CAPN3: variants seen among roughly 807,000 people sequenced by gnomAD.
CAPN3 encodes the protein calpain-3.
CAPN3 carries 88 observed loss-of-function variants against 114.0 expected under a neutral mutation model. The observed-to-expected ratio is 0.77, with a 90% confidence interval of 0.65 to 0.92. The LOEUF (loss-of-function observed/expected upper bound fraction) is 0.92, where lower values mean the gene tolerates loss of function less well. Ranked by LOEUF, CAPN3 falls within the 40% of genes least tolerant of loss-of-function variation. CAPN3 has a pLI of 0.00. For missense variants in CAPN3, 1,028 were observed against 1,069.0 expected (o/e 0.96, Z 0.53); for synonymous variants, 386 against 382.9 (o/e 1.01, Z -0.09).
At chr15:42,362,205 G>A (rs1294276711) in intron 1 of CAPN3, among the ~76,000 whole-genome samples, 1 of 152,116 alleles carries the variant, frequency 6.6e-6, no homozygotes, top group African/African-American at 2.4e-5. Context: ...ATTGAGCTCA[G>A]GAGTTGGAGA....
At position 42,409,825 on chromosome 15, in the gene CAPN3, T is replaced by C. The variant is rs931512687; in HGVS notation, c.2031T>C (p.Leu677=). 6.6e-7 allele frequency: 1 copy of C among 1,506,550 alleles called. No homozygotes were observed. The highest frequency in any genetic ancestry group is 8.9e-7 in the Non-Finnish European group (1 of 1,127,384). The allele number at this position is 1,506,550 out of a possible 1,614,324, so 93.3% of individuals were successfully genotyped here. A position where few individuals can be genotyped will look rare whatever the true frequency, so the allele number is the denominator to read the frequency against. ...GTGCAGATGAGCTCAAGAAGGTCCT[T>C]AACACAGTCGTGAACAAACGTGAGT... ...EICADELKKV[L]NTVVNKHKDL... Residue 677 remains leucine (L), a synonymous_variant, in exon 18 of 24, where the codon CTT becomes CTC. Coordinates refer to ENST00000397163, the MANE Select transcript of CAPN3 (RefSeq NM_000070.3).
At chr15:42,360,944 T>TG (rs763630893) in intron 1 of CAPN3, among the ~76,000 whole-genome samples, 2 of 152,108 alleles carry the variant, frequency 1.3e-5, no homozygotes, top group Admixed American at 6.5e-5. Flanking sequence ...GGCAAGCAAC[T>TG]GGGGGGACAG....
Position 42,411,079 on chromosome 15 carries a change from A to G in CAPN3, c.2380+79A>G, listed in dbSNP as rs28364539. The G allele has an allele frequency of 3.6e-3, 4,374 of 1,212,590 alleles. 187 individuals are homozygous for G. In the East Asian group the frequency reaches 0.086, roughly 24 times the overall value. The allele number at this position is 1,212,590 out of a possible 1,614,324, so 75.1% of individuals were successfully genotyped here. Reference sequence around the variant, plus strand: ...ACAGGCATCTCACCTGATAATCTCCAGTCTGCTCCATCCAGGCTGAACAAG... The same window carrying G: ...ACAGGCATCTCACCTGATAATCTCCGGTCTGCTCCATCCAGGCTGAACAAG... On this transcript the variant is annotated intron_variant, in intron 22 of 23. Coordinates refer to ENST00000397163, the MANE Select transcript of CAPN3 (RefSeq NM_000070.3).
At position 42,402,894 on chromosome 15, in the gene CAPN3, G is replaced by A. The variant is rs762091599; in HGVS notation, c.1637G>A (p.Arg546His). ...ATCAACATGCGGGAGGTGTCCCAGC[G>A]CTTCCGCCTGCCTCCCAGCGAGTAC... is the stretch of plus-strand genomic sequence containing the variant. ...TYINMREVSQ[R>H]FRLPPSEYVI... Residue 546 changes from arginine (R) to histidine (H), a missense_variant, in exon 13 of 24, where the codon CGC (arginine) becomes CAC (histidine). Coordinates refer to ENST00000397163, the MANE Select transcript of CAPN3 (RefSeq NM_000070.3). 2.9e-5 allele frequency: 47 copies of A among 1,614,034 alleles called. No homozygotes were observed. The Middle Eastern group carries it at 4.9e-4, about 17-fold the overall frequency.
At chr15:42,404,617 G>A (rs2053968042) in intron 14 of CAPN3, among the ~76,000 whole-genome samples, 1 of 152,262 alleles carries the variant, frequency 6.6e-6, no homozygotes. Context: ...CCGAAGCACA[G>A]AGTGCTGTGT....
rs1269985901 is a variant in CAPN3, at chr15:42,403,723, T to C, written c.1746-18T>C. On this transcript the variant is annotated intron_variant, in intron 13 of 23. Coordinates refer to ENST00000397163, the MANE Select transcript of CAPN3 (RefSeq NM_000070.3). ...CTTCTGGTGACACTGAGACCCCACATGTCTGTATTCCTCACAGGGAAGTTG... is the reference window on the plus strand; with the variant it reads ...CTTCTGGTGACACTGAGACCCCACACGTCTGTATTCCTCACAGGGAAGTTG... 19 of 1,612,656 alleles carry C rather than the reference T, an allele frequency of 1.2e-5. No homozygotes were observed. Among genetic ancestry groups the C allele is most frequent in the Non-Finnish European group, 1.5e-5 (18 of 1,178,846 alleles).
chr15:42,363,155 C>T (rs746083246), intron 1 of CAPN3, among the ~76,000 whole-genome samples: 4 of 152,214 alleles, frequency 2.6e-5, no homozygotes, highest in Non-Finnish European at 5.9e-5. Context: ...GTAATCTCTT[C>T]TCTTACTCAC....
intron 15 of CAPN3, among the ~76,000 whole-genome samples, chr15:42,406,317 A>G (rs370169721): frequency 5.9e-5 from 9 of 152,312 alleles, no homozygotes; most frequent in African/African-American, 1.4e-4. Flanking sequence ...GTCTGGGTCC[A>G]GAGTCCGTGT....
intron 11 of CAPN3, 119 bp downstream of exon 11, chr15:42,401,929 G>A (rs1244308748): frequency 7.6e-7 from 1 of 1,319,306 alleles, no homozygotes. Context: ...AGAGCTCCTG[G>A]TATCAGGACC....
intron 8 of CAPN3, 31 bp from the exon 9 acceptor site, chr15:42,396,769 T>G (rs1253638640): frequency 6.3e-7 from 1 of 1,577,480 alleles, no homozygotes. Context: ...CCCTTCTTCC[T>G]GCTTCCTTAA....
At chr15:42,409,509 G>C in intron 17 of CAPN3, 129 bp downstream of exon 17, 1 of 968,210 alleles carries the variant, frequency 1.0e-6, no homozygotes, top group Non-Finnish European at 1.6e-6. Context: ...CAGGGGATGT[G>C]TGCGTAGCAC....
chr15:42,385,900 A>T, intron 2 of CAPN3: 1 of 677,416 alleles, frequency 1.5e-6, no homozygotes, highest in Non-Finnish European at 2.8e-6. Context: ...AAGTGAGTTT[A>T]TACTGCAGTT....
At chr15:42,385,900 A>G in intron 2 of CAPN3, 1 of 677,416 alleles carries the variant, frequency 1.5e-6, no homozygotes, top group Non-Finnish European at 2.8e-6. Context: ...AAGTGAGTTT[A>G]TACTGCAGTT....
intron 12 of CAPN3, chr15:42,402,562 AGT>A: frequency 6.8e-7 from 1 of 1,471,416 alleles, no homozygotes; most frequent in South Asian, 1.4e-5. Context: ...TGTTCTGGTA[AGT>A]GTCCCTGAGT....
intron 17 of CAPN3, 133 bp from the exon 18 acceptor site, chr15:42,409,654 C>A: frequency 1.1e-6 from 1 of 928,386 alleles, no homozygotes; most frequent in Admixed American, 1.7e-5. Context: ...TCAGAAAAGC[C>A]CCAGCTTCCC....
intron 9 of CAPN3, 33 bp from the exon 10 acceptor site, chr15:42,399,459 C>T: frequency 6.3e-7 from 1 of 1,575,958 alleles, no homozygotes; most frequent in Non-Finnish European, 8.7e-7. Flanking sequence ...CACCTGCTCC[C>T]ATATGGCTCT....
chr15:42,396,639 G>A (rs1309599812), intron 8 of CAPN3, among the ~76,000 whole-genome samples, 161 bp from the exon 9 acceptor site: 2 of 152,170 alleles, frequency 1.3e-5, no homozygotes, highest in Non-Finnish European at 2.9e-5. Flanking sequence ...GATGTGAGAA[G>A]TCATTGCTAT....
At chr15:42,405,301 T>A (rs1240337653) in intron 14 of CAPN3, among the ~76,000 whole-genome samples, 1 of 152,178 alleles carries the variant, frequency 6.6e-6, no homozygotes, top group African/African-American at 2.4e-5. Flanking sequence ...TTTCATTTTT[T>A]TATTATTTAT....
At chr15:42,363,483 T>G (rs1172651946) in intron 1 of CAPN3, among the ~76,000 whole-genome samples, 1 of 152,120 alleles carries the variant, frequency 6.6e-6, no homozygotes, top group Non-Finnish European at 1.5e-5. Flanking sequence ...TCCTGGCCTG[T>G]CTCCTTCCCA....
Sources: allele counts gnomAD v4.1 joint callset (sites outside exome capture counted in the v4.1 genomes callset), GRCh38; gene constraint gnomAD v4.1.1; transcripts MANE v1.5; gene names NCBI Gene and HGNC (gene_info 2026-07-23, HGNC 2026-07-21).